The following LRBA variants were observed in gnomAD, a reference collection of about 807,000 sequenced individuals.
LRBA encodes the protein lipopolysaccharide-responsive and beige-like anchor protein.
LRBA carries 176 observed loss-of-function variants against 330.0 expected under a neutral mutation model. That is an observed-to-expected ratio of 0.53 (90% confidence interval 0.47 to 0.60). The LOEUF (loss-of-function observed/expected upper bound fraction) is 0.60, where lower values mean the gene tolerates loss of function less well. Ranked by LOEUF, LRBA falls within the 20% of genes least tolerant of loss-of-function variation. The pLI is 0.00. For missense variants in LRBA, 3,259 were observed against 3,444.8 expected (o/e 0.95, Z 1.35); for synonymous variants, 1,230 against 1,193.0 (o/e 1.03, Z -0.64).
intron 44 of LRBA, among the ~76,000 whole-genome samples, chr4:150,456,277 A>G (rs1012855711): frequency 6.6e-6 from 1 of 152,168 alleles, no homozygotes; most frequent in Non-Finnish European, 1.5e-5. Context: ...GCACTAATTT[A>G]TGTTCCTACC....
rs191704300 is a variant in LRBA at position 150,542,138 on chromosome 4, A to G, written c.6330+45910T>C. The stretch of plus-strand genomic sequence containing the variant: ...TAACCAGCTTTTTACTTTTGAAATC[A>G]ATCTCAAACAAAAATGGGTTCATTG... On this transcript the variant is annotated intron_variant, in intron 40 of 56. Transcript: ENST00000651943. Among the ~76,000 whole-genome samples the G allele has an allele frequency of 4.7e-3, 710 of 152,312 alleles. 2 individuals carry two copies. Among genetic ancestry groups the G allele is most frequent in the Non-Finnish European group, 7.9e-3 (540 of 68,018 alleles).
intron 47 of LRBA, among the ~76,000 whole-genome samples, chr4:150,413,922 T>C (rs1282824090): frequency 6.7e-6 from 1 of 148,864 alleles, no homozygotes; most frequent in Non-Finnish European, 1.5e-5. Context: ...AGGTTTGACA[T>C]TTCCTTCAGT....
intron 41 of LRBA, among the ~76,000 whole-genome samples, chr4:150,488,742 A>G (rs1235633524): frequency 9.7e-6 from 1 of 102,824 alleles, no homozygotes; most frequent in African/African-American, 2.7e-5. Context: ...CAACCCTTAA[A>G]AAAATATTTA....
At chr4:150,518,886 TC>T (rs1237791610) in intron 40 of LRBA, among the ~76,000 whole-genome samples, 5 of 152,178 alleles carry the variant, frequency 3.3e-5, no homozygotes, top group African/African-American at 1.2e-4. Context: ...ATACTAATTT[TC>T]TGGGGTACTG....
chr4:150,744,492 T>G (rs1393548257), intron 35 of LRBA, among the ~76,000 whole-genome samples: 1 of 152,236 alleles, frequency 6.6e-6, no homozygotes, highest in Non-Finnish European at 1.5e-5. Context: ...GTCCTAAAAA[T>G]AAAGGTTTCA....
intron 47 of LRBA, among the ~76,000 whole-genome samples, chr4:150,364,070 A>G (rs777390901): frequency 6.6e-6 from 1 of 152,200 alleles, no homozygotes; most frequent in Admixed American, 6.5e-5. Flanking sequence ...TGGATATTAA[A>G]GTATCATCTT....
intron 37 of LRBA, among the ~76,000 whole-genome samples, chr4:150,656,544 T>G (rs1780205080): frequency 6.6e-6 from 1 of 152,220 alleles, no homozygotes; most frequent in Non-Finnish European, 1.5e-5. Flanking sequence ...CTACCTTTTA[T>G]CAGACTGTGA....
In LRBA at chr4:150,653,427, G is replaced by A. The variant is rs542091125; in HGVS notation, c.5921+30124C>T. 3.3e-5 allele frequency among the ~76,000 whole-genome samples: 5 copies of A among 152,094 alleles called. No homozygotes were observed. The South Asian group carries it at 1.0e-3, about 32-fold the overall frequency. ...TTACTTTTAGACTGTCTCATCTTCT[G>A]GATAGTAAAAGCTACTTCATTTTAC... On this transcript the variant is annotated intron_variant, in intron 37 of 56. Transcript: ENST00000651943.
chr4:150,916,455 C>T lies in LRBA; in HGVS notation c.840G>A (p.Lys280=), dbSNP rs1344342751. 5.0e-6 allele frequency: 8 copies of T among 1,613,580 alleles called. No individual in the cohort carries two copies. The highest frequency in any genetic ancestry group is 1.6e-4 in the Middle Eastern group (1 of 6,080). Residue 280 remains lysine, a synonymous_variant, in exon 7 of 57, where the codon AAG becomes AAA. Coordinates refer to ENST00000651943, the MANE Select transcript of LRBA (RefSeq NM_001364905.1). Reference sequence around the variant, plus strand: ...AGTGTTGAAAGCCTTTTCCTTTTGACTTTATTGATGTTACAATCAAACAGC... The same window carrying T: ...AGTGTTGAAAGCCTTTTCCTTTTGATTTTATTGATGTTACAATCAAACAGC... ...VGGCLIVTSI[K]SKGKGFQHCV...
Position 150,683,707 on chromosome 4 carries a change from G to C in LRBA, c.5765C>G (p.Ala1922Gly), listed in dbSNP as rs769495243. The change falls in exon 37 of 57, where the codon GCC (alanine) becomes GGC (glycine). Residue 1922 changes from alanine to glycine, a missense_variant. Physicochemically the swap from Ala to Gly is moderately conservative, Grantham distance 60. Transcript: ENST00000651943. ...HRHAEFESLC[A>G]QYSADKREDE... ...TTCTCGTTTGTCTGCAGAATACTGGGCACACAGTGACTTGGAGAGAAAAAA... is the reference window on the plus strand; with the variant it reads ...TTCTCGTTTGTCTGCAGAATACTGGCCACACAGTGACTTGGAGAGAAAAAA... 6.2e-7 allele frequency: 1 copy of C among 1,604,862 alleles called. No individual in the cohort carries two copies. Among genetic ancestry groups the C allele is most frequent in the South Asian group, 1.1e-5 (1 of 89,230 alleles).
intron 2 of LRBA, among the ~76,000 whole-genome samples, chr4:150,933,400 C>T (rs1734722351): frequency 6.7e-6 from 1 of 149,424 alleles, no homozygotes; most frequent in African/African-American, 2.5e-5. Context: ...AAGTTGTATA[C>T]AACTATACAA....
chr4:150,825,591 ACTG>A (rs1455061025), intron 30 of LRBA, among the ~76,000 whole-genome samples: 1 of 152,030 alleles, frequency 6.6e-6, no homozygotes, highest in Non-Finnish European at 1.5e-5. Flanking sequence ...CTGGTCTTGA[ACTG>A]CTGATCTCAA....
At chr4:150,547,013 G>A (rs1581637759) in intron 40 of LRBA, among the ~76,000 whole-genome samples, 1 of 152,066 alleles carries the variant, frequency 6.6e-6, no homozygotes, top group Non-Finnish European at 1.5e-5. Context: ...GTTTAACTTT[G>A]TTGATTTAAA....
chr4:150,743,486 T>C (rs1732285522), intron 35 of LRBA, among the ~76,000 whole-genome samples: 1 of 152,206 alleles, frequency 6.6e-6, no homozygotes, highest in South Asian at 2.1e-4. Context: ...TGAGGAATAT[T>C]ATGAACAATA....
At chr4:150,637,551 A>T (rs1342667770) in intron 37 of LRBA, among the ~76,000 whole-genome samples, 2 of 152,198 alleles carry the variant, frequency 1.3e-5, no homozygotes, top group African/African-American at 4.8e-5. Context: ...TAGGTTACAA[A>T]TGACTGTGAT....
At chr4:150,701,605 T>C (rs1302474725) in intron 36 of LRBA, among the ~76,000 whole-genome samples, 2 of 152,214 alleles carry the variant, frequency 1.3e-5, no homozygotes, top group Non-Finnish European at 2.9e-5. Context: ...AACATCATTA[T>C]GTGGTGCATG....
intron 35 of LRBA, among the ~76,000 whole-genome samples, chr4:150,751,845 A>G (rs1733598007): frequency 6.6e-6 from 1 of 152,100 alleles, no homozygotes; most frequent in Admixed American, 6.6e-5. Flanking sequence ...CCATAACTAC[A>G]TTACAGCCCA....
At chr4:150,937,122 C>T (rs1561029656) in intron 2 of LRBA, among the ~76,000 whole-genome samples, 1 of 151,960 alleles carries the variant, frequency 6.6e-6, no homozygotes, top group Non-Finnish European at 1.5e-5. Flanking sequence ...TTAAATATTC[C>T]TCCATTGCTT....
chr4:150,520,454 T>A (rs943323635), intron 40 of LRBA, among the ~76,000 whole-genome samples: 42 of 152,222 alleles, frequency 2.8e-4, no homozygotes, highest in African/African-American at 9.2e-4. Flanking sequence ...AACAAATTAT[T>A]CCTAAGTATT....
Sources: gnomAD v4.1 joint callset for allele counts (sites outside exome capture counted in the v4.1 genomes callset) on GRCh38, gnomAD v4.1.1 for gene constraint, MANE v1.5 for transcripts, NCBI Gene and HGNC (gene_info 2026-07-23, HGNC 2026-07-21) for gene names.